Variants in MXD3 observed in about 807,000 individuals in gnomAD.
MXD3 encodes the protein Max-associated protein 3.
MXD3 carries 20 observed loss-of-function variants against 27.5 expected under a neutral mutation model. The observed-to-expected ratio is 0.73, with a 90% CI of 0.51 to 1.06. The LOEUF (loss-of-function observed/expected upper bound fraction) is 1.06. MXD3 is among the 50% of genes least tolerant of loss of function. The pLI is 0.00. For synonymous variants in MXD3, 150 were observed against 130.7 expected (o/e 1.15, Z -1.01); for missense variants, 298 against 291.3 (o/e 1.02, Z -0.17).
At chr5:177,311,267 C>G in intron 2 of MXD3, 112 bp downstream of exon 2, 1 of 647,782 alleles carries the variant, frequency 1.5e-6, no homozygotes, top group Non-Finnish European at 2.5e-6. Context: ...TGAACGCTTC[C>G]TGGAGCGGGA....
downstream of MXD3, chr5:177,305,594 C>T: frequency 2.2e-6 from 1 of 451,288 alleles, no homozygotes; most frequent in Admixed American, 3.7e-5. Context: ...ATGCACAAAA[C>T]AAAATCCAGG....
At chr5:177,311,582 A>G (rs1761040947) in intron 1 of MXD3, 98 bp from the exon 2 acceptor site, 3 of 1,197,540 alleles carry the variant, frequency 2.5e-6, no homozygotes, top group Non-Finnish European at 2.3e-6. Context: ...TTTTGGCGCC[A>G]GGACCATTTC....
chr5:177,306,810 G>A, downstream of MXD3: 1 of 771,966 alleles, frequency 1.3e-6, no homozygotes, highest in East Asian at 2.7e-5. Flanking sequence ...GACTTGCCCG[G>A]GGCTCCAGGT....
intron 2 of MXD3, 181 bp from the exon 3 acceptor site, chr5:177,310,878 A>C: frequency 1.5e-6 from 1 of 683,028 alleles, no homozygotes; most frequent in Non-Finnish European, 2.5e-6. Context: ...TCAAAGACAC[A>C]CGGAGCCAAA....
At chr5:177,309,384 G>T (rs1760979509) in intron 4 of MXD3, among the ~76,000 whole-genome samples, 1 of 152,210 alleles carries the variant, frequency 6.6e-6, no homozygotes, top group Non-Finnish European at 1.5e-5. Flanking sequence ...TGGAGCCCCA[G>T]AGAAGGAGCA....
At chr5:177,311,337 GCCCACC>G in intron 2 of MXD3, 36 bp downstream of exon 2, 1 of 1,317,570 alleles carries the variant, frequency 7.6e-7, no homozygotes, top group Non-Finnish European at 1.0e-6. Flanking sequence ...CAGGGGCGGC[GCCCACC>G]CCCACCCCCA....
chr5:177,307,050 C>T, downstream of MXD3: 2 of 1,452,402 alleles, frequency 1.4e-6, no homozygotes, highest in Non-Finnish European at 1.8e-6. Flanking sequence ...TTTCTACCAT[C>T]CGTGAAGTGG....
chr5:177,310,408 C>A lies in MXD3; in HGVS notation c.321+18G>T, dbSNP rs200337390. On this transcript the variant is annotated intron_variant, in intron 4 of 5. Coordinates refer to ENST00000439742, the MANE Select transcript of MXD3 (RefSeq NM_031300.4). ...ATACACCAGGGCAAGCCAGTCCGGG[C>A]GCAGTGGGGGGCCTCACCTGGATGT... 6.3e-7 allele frequency: 1 copy of A among 1,598,940 alleles called. No individual in the cohort carries two copies. Among genetic ancestry groups the A allele is most frequent in the Non-Finnish European group, 8.5e-7 (1 of 1,171,302 alleles).
upstream of MXD3, chr5:177,312,180 T>A: frequency 9.7e-7 from 1 of 1,026,390 alleles, no homozygotes; most frequent in African/African-American, 1.7e-5. Context: ...GCGTCTTTGA[T>A]CTCAGCTTCC....
chr5:177,312,299 G>A, upstream of MXD3: 1 of 986,188 alleles, frequency 1.0e-6, no homozygotes, highest in Non-Finnish European at 1.2e-6. Flanking sequence ...CGGGGGCGGG[G>A]CCTCCGGCCG....
At chr5:177,308,170 T>C (rs911641811) in intron 4 of MXD3, 6 of 569,754 alleles carry the variant, frequency 1.1e-5, no homozygotes, top group Non-Finnish European at 1.9e-5. Context: ...GTCAGGGTGC[T>C]GCCTAGATTG....
chr5:177,310,198 T>G (rs1760999767), intron 4 of MXD3, among the ~76,000 whole-genome samples: 1 of 152,214 alleles, frequency 6.6e-6, no homozygotes, highest in South Asian at 2.1e-4. Flanking sequence ...ACAGCAACAG[T>G]GAACATTTAT....
rs746466688 is a variant in MXD3, at chr5:177,310,520, C to A, written c.227G>T (p.Cys76Phe). Residue 76 changes from cysteine to phenylalanine, a missense_variant, in exon 4 of 6, where the codon TGC (cysteine) becomes TTC (phenylalanine). By Grantham distance (205) the Cys-to-Phe change is radical. Transcript: ENST00000439742. ...EKRRRAQLKR[C>F]LERLKQQMPL... ...CATCTGCTGCTTCAGCCGCTCCAGG[C>A]ACCGCTTCAACTGGGCCCTCCTGTG... 44 of 1,611,644 alleles carry A rather than the reference C, an allele frequency of 2.7e-5. No homozygotes were observed. The highest frequency in any genetic ancestry group is 3.6e-5 in the Non-Finnish European group (43 of 1,178,988).
intron 4 of MXD3, among the ~76,000 whole-genome samples, chr5:177,309,927 C>T (rs1760991553): frequency 1.3e-5 from 2 of 152,212 alleles, no homozygotes; most frequent in African/African-American, 4.8e-5. Context: ...CAGTGACTGG[C>T]GTCTTCTCAG....
chr5:177,311,953 G>A (rs1761050438), upstream of MXD3: 2 of 1,297,488 alleles, frequency 1.5e-6, no homozygotes, highest in Middle Eastern at 2.9e-4. Flanking sequence ...CCCCCGGGAC[G>A]CCCCGCCCGC....
downstream of MXD3, chr5:177,307,153 G>T: frequency 6.5e-7 from 1 of 1,543,376 alleles, no homozygotes; most frequent in Non-Finnish European, 8.7e-7. Context: ...TCCTCTTCCA[G>T]TGGGTCTGTG....
downstream of MXD3, chr5:177,306,269 G>A (rs1378885159): frequency 6.4e-7 from 1 of 1,562,652 alleles, no homozygotes; most frequent in African/African-American, 1.4e-5. Flanking sequence ...CCTGCTCTGA[G>A]CTGGGACTCC....
At chr5:177,312,229 G>C (rs1418046058), upstream of MXD3, 6 of 987,860 alleles carry the variant, frequency 6.1e-6, no homozygotes, top group African/African-American at 1.7e-5. Context: ...ATAGCACGGC[G>C]CTCTGGGGGC....
chr5:177,310,343 G>A (rs1761003723), intron 4 of MXD3, 83 bp downstream of exon 4: 6 of 1,097,992 alleles, frequency 5.5e-6, no homozygotes, highest in South Asian at 4.5e-5. Context: ...CTCAGGTCTC[G>A]TTCCCCAGTC....
Sources: allele counts gnomAD v4.1 joint callset (sites outside exome capture counted in the v4.1 genomes callset), GRCh38; gene constraint gnomAD v4.1.1; transcripts MANE v1.5; gene names NCBI Gene and HGNC (gene_info 2026-07-23, HGNC 2026-07-21).